OBI1: variants seen among roughly 807,000 people sequenced by gnomAD.
The protein encoded by OBI1 is ORC ubiquitin ligase 1.
In OBI1, 59 loss-of-function variants were observed where a neutral mutation model predicts 62.4. That is an observed-to-expected ratio of 0.95 (90% CI 0.77 to 1.17). The LOEUF (loss-of-function observed/expected upper bound fraction) is 1.17, where lower values mean the gene tolerates loss of function less well. Ranked by LOEUF, OBI1 falls within the 50% of genes most tolerant of loss-of-function variation. The probability of loss-of-function intolerance (pLI) is 0.00; values close to 1 mark genes in which losing one functional copy is unlikely to be tolerated. For missense variants in OBI1, 875 were observed against 830.9 expected, an observed-to-expected ratio of 1.05 and a Z score of -0.65; for synonymous variants, 302 against 292.8, an observed-to-expected ratio of 1.03 and a Z score of -0.32.
chr13:78,620,792 T>C (rs1052344209), intron 5 of OBI1: 30 of 366,466 alleles, frequency 8.2e-5, no homozygotes, highest in African/African-American at 6.3e-4. Flanking sequence ...TTTCTCATAG[T>C]CTATCACACA....
Position 78,659,021 on chromosome 13 carries a change from T to C in OBI1, c.72+28A>G, listed in dbSNP as rs556907623. On this transcript the variant is annotated intron_variant, in intron 1 of 5. Transcript: ENST00000282003. ...GCGAGCGACTTATCCAACCCCGTTT[T>C]GTAGCTGTGCCCACAATCACCCATT... 342 of 1,605,782 alleles carry C rather than the reference T, an allele frequency of 2.1e-4. 4 individuals carry two copies. In the South Asian group the frequency reaches 3.6e-3, roughly 17 times the overall value.
intron 5 of OBI1, among the ~76,000 whole-genome samples, chr13:78,624,646 G>A (rs895419333): frequency 6.6e-6 from 1 of 152,104 alleles, no homozygotes; most frequent in Admixed American, 6.5e-5. Flanking sequence ...AGATGCCTTA[G>A]AAATTAATAA....
chr13:78,656,735 G>T (rs961662117), intron 1 of OBI1, among the ~76,000 whole-genome samples: 2 of 127,070 alleles, frequency 1.6e-5, no homozygotes, highest in African/African-American at 6.0e-5. Context: ...TACCTGGGGG[G>T]GGGGGGGGAG....
rs1875245364 is a variant in OBI1, at chr13:78,615,678, C to A, written c.2083G>T (p.Val695Leu). 6.2e-7 allele frequency: 1 copy of A among 1,613,992 alleles called. No individual in the cohort carries two copies. Among genetic ancestry groups the A allele is most frequent in the Non-Finnish European group, 8.5e-7 (1 of 1,179,964 alleles). The change falls in exon 6 of 6, where the codon GTG becomes TTG. Residue 695 changes from valine (V) to leucine (L), a missense_variant. Transcript: ENST00000282003. ...ACATTTTTATTCCTCTTTTCAGGCACAAAGGAAGTAGACCAAGGAGACTGA... is the reference window on the plus strand; with the variant it reads ...ACATTTTTATTCCTCTTTTCAGGCAAAAAGGAAGTAGACCAAGGAGACTGA... ...HLQSPWSTSF[V>L]PEKRNKNVNQ...
chr13:78,638,637 T>C (rs1012531845), intron 4 of OBI1, among the ~76,000 whole-genome samples, 186 bp downstream of exon 4: 12 of 152,156 alleles, frequency 7.9e-5, no homozygotes, highest in African/African-American at 2.9e-4. Context: ...CCACCTGATA[T>C]TTCTTGGCAG....
intron 1 of OBI1, among the ~76,000 whole-genome samples, chr13:78,657,146 C>T (rs1450686117): frequency 6.6e-6 from 1 of 152,070 alleles, no homozygotes; most frequent in Non-Finnish European, 1.5e-5. Flanking sequence ...ACATCAACTC[C>T]CCATCCTTTC....
chr13:78,638,176 T>G (rs540819521), intron 4 of OBI1, among the ~76,000 whole-genome samples: 1 of 152,188 alleles, frequency 6.6e-6, no homozygotes, highest in Non-Finnish European at 1.5e-5. Flanking sequence ...CATCTAGTGC[T>G]GATGGCATGG....
Position 78,635,172 on chromosome 13 carries a change from A to G in OBI1, c.576T>C (p.Asn192=), listed in dbSNP as rs1875984284. 6.2e-7 allele frequency: 1 copy of G among 1,608,560 alleles called. No individual in the cohort carries two copies. Among genetic ancestry groups the G allele is most frequent in the African/African-American group, 1.3e-5 (1 of 74,728 alleles). The change falls in exon 5 of 6, where the codon AAT becomes AAC. Residue 192 remains asparagine (N), a synonymous_variant. Coordinates refer to ENST00000282003, the MANE Select transcript of OBI1 (RefSeq NM_024546.4). ...KEANKKLKLE[N]GGLVRENLRL... is the part of the protein sequence containing the mutation. ...GTAAATTCTCCCTCACCAGACCACC[A>G]TTTTCCAATTTCAATTTTTTATTTG... is the stretch of plus-strand genomic sequence containing the variant.
intron 4 of OBI1, among the ~76,000 whole-genome samples, chr13:78,636,671 G>A (rs537266066): frequency 6.6e-6 from 1 of 152,274 alleles, no homozygotes; most frequent in Admixed American, 6.5e-5. Context: ...AACCAGGACT[G>A]TGGAGAGTTA....
chr13:78,638,778 T>C (rs765324401), intron 4 of OBI1, 45 bp downstream of exon 4: 29 of 1,534,994 alleles, frequency 1.9e-5, no homozygotes, highest in Non-Finnish European at 2.6e-5. Flanking sequence ...TGAAGGTACT[T>C]ATTTTAAAAA....
intron 5 of OBI1, among the ~76,000 whole-genome samples, chr13:78,630,515 T>C (rs2137441293): frequency 6.6e-6 from 1 of 152,274 alleles, no homozygotes; most frequent in East Asian, 1.9e-4. Flanking sequence ...ACCTAATCCC[T>C]AAAGTGATGG....
At chr13:78,654,273 G>A (rs1876632389) in intron 1 of OBI1, among the ~76,000 whole-genome samples, 4 of 152,090 alleles carry the variant, frequency 2.6e-5, no homozygotes, top group South Asian at 2.1e-4. Context: ...TATACACTAT[G>A]TATAAAATGC....
At chr13:78,634,025 G>A (rs1156759962) in intron 5 of OBI1, among the ~76,000 whole-genome samples, 11 of 149,196 alleles carry the variant, frequency 7.4e-5, no homozygotes, top group African/African-American at 2.2e-4. Flanking sequence ...CCGAGATCGC[G>A]CCACTGCACT....
rs763882233 is a variant in OBI1, at chr13:78,616,890, A to C, written c.871T>G (p.Ser291Ala). 3 of 1,614,044 alleles carry C rather than the reference A, an allele frequency of 1.9e-6. No homozygotes were observed. Among genetic ancestry groups the C allele is most frequent in the Non-Finnish European group, 2.5e-6 (3 of 1,180,040 alleles). Residue 291 changes from serine to alanine, a missense_variant, in exon 6 of 6, where the codon TCA becomes GCA. Transcript: ENST00000282003. ...GSKGSEEDVV[S>A]KNQGDSARKQ... ...CTGGCACTATCGCCTTGATTCTTTG[A>C]CACCACATCCTCCTCACTGCCTTTG... is the stretch of plus-strand genomic sequence containing the variant.
rs139175947 is a variant in OBI1, at chr13:78,615,943, T to C, written c.1818A>G (p.Glu606=). The stretch of plus-strand genomic sequence containing the variant: ...GGAGAAAAAAAGAAGTGGGTTTCCA[T>C]TCACTTCCATTTTCTAACTGATCAT... The part of the protein sequence containing the change: ...LTNDQLENGS[E]WKPTSFFLLS... The change falls in exon 6 of 6, where the codon GAA becomes GAG. Residue 606 remains glutamate (E), a synonymous_variant. Coordinates refer to ENST00000282003, the MANE Select transcript of OBI1 (RefSeq NM_024546.4). 1.9e-6 allele frequency: 3 copies of C among 1,613,682 alleles called. No homozygotes were observed. The highest frequency in any genetic ancestry group is 1.7e-6 in the Non-Finnish European group (2 of 1,179,872).
chr13:78,629,399 T>C (rs1432288109), intron 5 of OBI1, among the ~76,000 whole-genome samples: 1 of 152,108 alleles, frequency 6.6e-6, no homozygotes, highest in African/African-American at 2.4e-5. Context: ...GGTGAGTTAG[T>C]AGCTGAGGAC....
At chr13:78,617,295 T>C in intron 5 of OBI1, 173 bp from the exon 6 acceptor site, 1 of 500,742 alleles carries the variant, frequency 2.0e-6, no homozygotes. Context: ...TTTCCCCACT[T>C]ACATAATAAT....
At chr13:78,623,175 A>G (rs768501195) in intron 5 of OBI1, among the ~76,000 whole-genome samples, 1 of 151,882 alleles carries the variant, frequency 6.6e-6, no homozygotes, top group African/African-American at 2.4e-5. Context: ...ATTCCTAGAA[A>G]TTTGTTAATC....
intron 5 of OBI1, among the ~76,000 whole-genome samples, chr13:78,632,643 T>G (rs1395942969): frequency 6.6e-6 from 1 of 152,196 alleles, no homozygotes; most frequent in East Asian, 1.9e-4. Context: ...TGTGAACTCT[T>G]GAAATGTCTT....
Sources: allele counts gnomAD v4.1 joint callset (sites outside exome capture counted in the v4.1 genomes callset), GRCh38; gene constraint gnomAD v4.1.1; transcripts MANE v1.5; gene names NCBI Gene and HGNC (gene_info 2026-07-23, HGNC 2026-07-21).